The following RGS7 variants were observed in gnomAD, a reference collection of about 807,000 sequenced individuals.
RGS7 encodes regulator of G-protein signaling 7.
Under a neutral mutation model 81.1 loss-of-function variants are expected in RGS7, and 27 were observed. That is an observed-to-expected ratio of 0.33 (90% confidence interval 0.25 to 0.46). The LOEUF is 0.46. RGS7 is among the 20% of genes least tolerant of loss of function. The pLI is 1.00. For synonymous variants in RGS7, 208 were observed against 207.7 expected (o/e 1.00, Z -0.01); for missense variants, 396 against 607.4 (o/e 0.65, Z 3.66).
At chr1:241,238,859 G>A (rs1370928181) in intron 2 of RGS7, among the ~76,000 whole-genome samples, 2 of 151,942 alleles carry the variant, frequency 1.3e-5, no homozygotes, top group Non-Finnish European at 2.9e-5. Context: ...ATGGTAATAT[G>A]ACACTAAAGA....
At chr1:241,182,477 T>C (rs1328496642) in intron 2 of RGS7, among the ~76,000 whole-genome samples, 8 of 152,158 alleles carry the variant, frequency 5.3e-5, no homozygotes, top group Non-Finnish European at 1.5e-5. Flanking sequence ...TGGCTATGAA[T>C]GTTTTCTAAA....
chr1:240,788,511 A>T (rs963016922), intron 18 of RGS7, among the ~76,000 whole-genome samples: 2 of 152,162 alleles, frequency 1.3e-5, no homozygotes, highest in African/African-American at 4.8e-5. Context: ...AATTGGTTAA[A>T]CATGAAAACA....
chr1:240,820,393 T>C (rs970308891), intron 10 of RGS7, among the ~76,000 whole-genome samples: 1 of 152,184 alleles, frequency 6.6e-6, no homozygotes, highest in Non-Finnish European at 1.5e-5. Flanking sequence ...TTCGGCCTCC[T>C]ACATAAATCT....
intron 6 of RGS7, among the ~76,000 whole-genome samples, chr1:240,913,079 A>G (rs955489565): frequency 1.3e-5 from 2 of 152,248 alleles, no homozygotes; most frequent in Non-Finnish European, 2.9e-5. Context: ...CTCAGTTAAT[A>G]TGTGAAGCTA....
intron 17 of RGS7, 48 bp downstream of exon 17, chr1:240,801,407 A>T: frequency 7.6e-7 from 1 of 1,309,982 alleles, no homozygotes; most frequent in Non-Finnish European, 1.1e-6. Context: ...AATTGGAAAA[A>T]TTTCATTGGA....
intron 3 of RGS7, among the ~76,000 whole-genome samples, chr1:241,002,753 A>G (rs911307039): frequency 5.3e-5 from 8 of 152,248 alleles, no homozygotes; most frequent in African/African-American, 1.9e-4. Context: ...CAAAGAGACC[A>G]GAAAACCAAT....
intron 6 of RGS7, among the ~76,000 whole-genome samples, chr1:240,880,539 G>C (rs930885097): frequency 6.6e-6 from 1 of 152,166 alleles, no homozygotes; most frequent in African/African-American, 2.4e-5. Flanking sequence ...CTACCCTCGA[G>C]CTTGCTCCCC....
chr1:241,039,894 T>C (rs77796708), intron 3 of RGS7, among the ~76,000 whole-genome samples: 28 of 151,956 alleles, frequency 1.8e-4, no homozygotes, highest in African/African-American at 6.8e-4. Flanking sequence ...GTTCAATAAA[T>C]AAACCTGTGT....
intron 18 of RGS7, among the ~76,000 whole-genome samples, chr1:240,789,527 C>T (rs1357164157): frequency 1.3e-5 from 2 of 152,154 alleles, no homozygotes; most frequent in Non-Finnish European, 1.5e-5. Flanking sequence ...AAGGAACATC[C>T]CTGAGAAACA....
chr1:241,220,886 CAG>C (rs1332185239), intron 2 of RGS7, among the ~76,000 whole-genome samples: 2 of 143,944 alleles, frequency 1.4e-5, no homozygotes. Context: ...GGGTGACAGA[CAG>C]AGAGAGAGAG....
intron 2 of RGS7, among the ~76,000 whole-genome samples, chr1:241,150,901 C>G (rs1330151501): frequency 6.6e-6 from 1 of 152,130 alleles, no homozygotes; most frequent in Non-Finnish European, 1.5e-5. Context: ...CACAAGAACC[C>G]AGAGGGCCAC....
At chr1:241,215,208 T>C (rs2074475707) in intron 2 of RGS7, among the ~76,000 whole-genome samples, 1 of 152,208 alleles carries the variant, frequency 6.6e-6, no homozygotes, top group African/African-American at 2.4e-5. Flanking sequence ...CTGACTATGC[T>C]GAGACTTGAT....
At position 241,134,913 on chromosome 1, in the gene RGS7, G is replaced by GCCGGCCGGAAGACACCTACC. The variant is rs1200662588; in HGVS notation, c.79-36171_79-36152dup. 9.3e-5 allele frequency among the ~76,000 whole-genome samples: 14 copies of GCCGGCCGGAAGACACCTACC among 151,286 alleles called. 1 individual carries two copies. The East Asian group carries it at 1.4e-3, about 15-fold the overall frequency. On this transcript the variant is annotated intron_variant, in intron 2 of 18. Coordinates refer to ENST00000440928, the MANE Select transcript of RGS7 (RefSeq NM_001364886.1). ...GCAAGACAGCGGAAGCAGGACGACAGCCGGCCGGAAGACACCTACCCCGGC... is the reference window on the plus strand; with the variant it reads ...GCAAGACAGCGGAAGCAGGACGACAGCCGGCCGGAAGACACCTACCCCGGCCGGAAGACACCTACCCCGGC...
chr1:241,037,157 T>A (rs2148752078), intron 3 of RGS7, among the ~76,000 whole-genome samples: 1 of 152,308 alleles, frequency 6.6e-6, no homozygotes, highest in South Asian at 2.1e-4. Flanking sequence ...AATAAAAGCC[T>A]TCAATAGGCT....
rs1343000608 is a variant in RGS7 at position 240,868,119 on chromosome 1, A to AAAGG, written c.609+467_609+468insCCTT. 1.0e-5 allele frequency among the ~76,000 whole-genome samples: 1 copy of AAAGG among 97,124 alleles called. No homozygotes were observed. Among genetic ancestry groups the AAAGG allele is most frequent in the East Asian group, 3.1e-4 (1 of 3,232 alleles). 63.7% of individuals were successfully genotyped at this position (97,124 alleles called of 152,430 possible). On this transcript the variant is annotated intron_variant, in intron 9 of 18. Coordinates refer to ENST00000440928, the MANE Select transcript of RGS7 (RefSeq NM_001364886.1). This position sits in a 1 kb window ranked among gnomAD's most constrained non-coding sequence, Gnocchi z 5.1. Reference sequence around the variant, plus strand: ...AAAGAAAAAGAAAGAAAAGAAAAGGAAAGAAAGAAAGAAAGAAAGAAAGAA... The same window carrying AAAGG: ...AAAGAAAAAGAAAGAAAAGAAAAGGAAAGGAAGAAAGAAAGAAAGAAAGAAAGAA...
chr1:241,342,237 GAA>G (rs2082608038), intron 2 of RGS7, among the ~76,000 whole-genome samples: 1 of 152,050 alleles, frequency 6.6e-6, no homozygotes, highest in East Asian at 1.9e-4. Flanking sequence ...AGTCCTATGA[GAA>G]AGAGCGAATA....
chr1:241,199,509 T>G (rs1026892480), intron 2 of RGS7, among the ~76,000 whole-genome samples: 1 of 152,146 alleles, frequency 6.6e-6, no homozygotes, highest in Middle Eastern at 3.4e-3. Context: ...TATTAAAAAT[T>G]TTTCCTCTAA....
chr1:240,960,110 C>T (rs971453415), intron 4 of RGS7, among the ~76,000 whole-genome samples: 1 of 151,090 alleles, frequency 6.6e-6, no homozygotes, highest in Non-Finnish European at 1.5e-5. Flanking sequence ...GATCACATCA[C>T]AGCCCTCCTG....
chr1:240,832,983 C>G (rs1694101045), intron 9 of RGS7, among the ~76,000 whole-genome samples: 1 of 152,066 alleles, frequency 6.6e-6, no homozygotes, highest in African/African-American at 2.4e-5. Flanking sequence ...TGCTGTTTTT[C>G]TTATATATAC....
Sources: allele counts gnomAD v4.1 joint callset (sites outside exome capture counted in the v4.1 genomes callset), GRCh38; gene constraint gnomAD v4.1.1; non-coding constraint Gnocchi (gnomAD v3.1); transcripts MANE v1.5; gene names NCBI Gene and HGNC (gene_info 2026-07-23, HGNC 2026-07-21).